SAMMSON: variants seen among roughly 807,000 people sequenced by gnomAD.
The protein encoded by SAMMSON is survival associated mitochondrial melanoma specific oncogenic non-coding RNA, also known as long intergenic non-protein coding RNA 1212.
At chr3:70,207,477 T>C (rs1701303699) in intron 4 of SAMMSON, among the ~76,000 whole-genome samples, 1 of 152,048 alleles carries the variant, frequency 6.6e-6, no homozygotes, top group Non-Finnish European at 1.5e-5. Context: ...AGTTCTTGAC[T>C]GAAATTCTGG....
intron 4 of SAMMSON, among the ~76,000 whole-genome samples, chr3:70,245,214 A>G (rs1701695544): frequency 6.6e-6 from 1 of 152,140 alleles, no homozygotes; most frequent in African/African-American, 2.4e-5. Flanking sequence ...GCATTTTTAA[A>G]AGAGTTTTTT....
chr3:70,124,584 G>A (rs867596374), intron 4 of SAMMSON, among the ~76,000 whole-genome samples: 3 of 151,810 alleles, frequency 2.0e-5, no homozygotes, highest in Non-Finnish European at 2.9e-5. Flanking sequence ...AGGCTGAGGC[G>A]GGTGGATCAC....
chr3:70,408,668 T>A (rs1701194930), intron 2 of SAMMSON, among the ~76,000 whole-genome samples: 1 of 152,176 alleles, frequency 6.6e-6, no homozygotes, highest in Admixed American at 6.5e-5. Flanking sequence ...AGCCATTCAA[T>A]GAGTCTCTAG....
At chr3:70,019,569 T>G (rs2067001886) in intron 3 of SAMMSON, among the ~76,000 whole-genome samples, 1 of 152,200 alleles carries the variant, frequency 6.6e-6, no homozygotes, top group South Asian at 2.1e-4. Context: ...ATTGGAGCAT[T>G]TAGCCCATTT....
intron 6 of SAMMSON, among the ~76,000 whole-genome samples, chr3:70,251,696 G>A (rs928908740): frequency 3.3e-5 from 5 of 152,056 alleles, no homozygotes; most frequent in East Asian, 1.9e-4. Context: ...GGCAAAACCC[G>A]CAATTACTTT....
intron 2 of SAMMSON, among the ~76,000 whole-genome samples, chr3:70,406,373 A>T (rs1256280594): frequency 1.3e-5 from 2 of 152,216 alleles, no homozygotes; most frequent in African/African-American, 2.4e-5. Context: ...GTTTTAGACA[A>T]AATCTGAGAG....
chr3:70,335,546 C>T (rs1207681461), intron 7 of SAMMSON, among the ~76,000 whole-genome samples: 1 of 151,894 alleles, frequency 6.6e-6, no homozygotes, highest in Admixed American at 6.6e-5. Flanking sequence ...ACTAAAGTAG[C>T]TGCTTTGAAA....
intron 7 of SAMMSON, among the ~76,000 whole-genome samples, chr3:70,308,123 C>T (rs1702420184): frequency 6.6e-6 from 1 of 152,200 alleles, no homozygotes; most frequent in African/African-American, 2.4e-5. Flanking sequence ...GTGATCATAG[C>T]TCACTGCAGC....
chr3:70,337,139 A>T (rs1559566799), intron 7 of SAMMSON, among the ~76,000 whole-genome samples: 1 of 74,358 alleles, frequency 1.3e-5, no homozygotes, highest in East Asian at 2.4e-4. Context: ...ATCTAACTTA[A>T]TATTATTATT....
chr3:70,321,916 G>A (rs1575625432), intron 7 of SAMMSON, among the ~76,000 whole-genome samples: 4 of 152,088 alleles, frequency 2.6e-5, no homozygotes, highest in Admixed American at 2.6e-4. Context: ...TCTTGTAAAC[G>A]TGAAGTATTA....
chr3:70,115,425 A>C (rs1187915463), intron 4 of SAMMSON, among the ~76,000 whole-genome samples: 1 of 152,122 alleles, frequency 6.6e-6, no homozygotes, highest in Non-Finnish European at 1.5e-5. Flanking sequence ...AAGATGTTTC[A>C]TGAGTATTTT....
intron 6 of SAMMSON, among the ~76,000 whole-genome samples, chr3:70,278,669 C>T (rs1044269437): frequency 1.3e-5 from 2 of 152,044 alleles, no homozygotes; most frequent in African/African-American, 4.8e-5. Context: ...ACAACTGAGC[C>T]TGTATGATGG....
intron 4 of SAMMSON, among the ~76,000 whole-genome samples, chr3:70,234,869 A>C (rs1056476371): frequency 6.6e-6 from 1 of 152,104 alleles, no homozygotes; most frequent in African/African-American, 2.4e-5. Flanking sequence ...CACTTATTCA[A>C]ATCTTGCCTG....
At chr3:70,262,935 C>T (rs1701880616) in intron 6 of SAMMSON, among the ~76,000 whole-genome samples, 1 of 152,172 alleles carries the variant, frequency 6.6e-6, no homozygotes, top group Admixed American at 6.5e-5. Context: ...GCTACATTTT[C>T]ATATTCACTG....
At chr3:70,288,710 C>T (rs1437524434) in intron 6 of SAMMSON, among the ~76,000 whole-genome samples, 5 of 151,812 alleles carry the variant, frequency 3.3e-5, no homozygotes, top group East Asian at 3.9e-4. Flanking sequence ...CTTTGTAGGT[C>T]ACTCAGGACT....
chr3:70,112,177 G>A (rs1482284171), intron 4 of SAMMSON, among the ~76,000 whole-genome samples: 2 of 152,062 alleles, frequency 1.3e-5, no homozygotes, highest in Admixed American at 1.3e-4. Context: ...AAACGTTAAA[G>A]ACAGCTAGAG....
At chr3:70,283,630 G>T (rs1213736034) in intron 6 of SAMMSON, 1 of 151,944 alleles carries the variant, frequency 6.6e-6, no homozygotes, top group African/African-American at 2.4e-5. Flanking sequence ...CAGATTAAAG[G>T]GATTCATGCT....
intron 3 of SAMMSON, among the ~76,000 whole-genome samples, chr3:70,050,501 G>GA (rs1340609555): frequency 6.6e-6 from 1 of 152,120 alleles, no homozygotes; most frequent in Non-Finnish European, 1.5e-5. Context: ...CTATCAGAAA[G>GA]AAGAGACCTG....
chr3:70,232,024 A>C (rs187684681), intron 4 of SAMMSON, among the ~76,000 whole-genome samples: 1 of 152,182 alleles, frequency 6.6e-6, no homozygotes, highest in African/African-American at 2.4e-5. Context: ...TTAGCCATTA[A>C]TAAGCATATT....
Sources: gnomAD v4.1 joint callset for allele counts (sites outside exome capture counted in the v4.1 genomes callset) on GRCh38, gnomAD v4.1.1 for gene constraint, MANE v1.5 for transcripts, NCBI Gene and HGNC (gene_info 2026-07-23, HGNC 2026-07-21) for gene names.